RUSF1: variants seen among roughly 807,000 people sequenced by gnomAD.
The protein encoded by RUSF1 is RUS1 family protein C16orf58.
In RUSF1, 58 loss-of-function variants were observed where a neutral mutation model predicts 63.0. The ratio of observed to expected loss-of-function variants is 0.92; its 90% CI spans 0.75 to 1.15. The LOEUF (loss-of-function observed/expected upper bound fraction) is 1.15. Among genes scored for constraint, RUSF1 ranks in the 50% most tolerant of loss-of-function variants. The probability of loss-of-function intolerance (pLI) is 0.00; values close to 1 mark genes in which losing one functional copy is unlikely to be tolerated. For missense variants in RUSF1, 652 were observed against 611.0 expected, an observed-to-expected ratio of 1.07 and a Z score of -0.71; for synonymous variants, 274 against 255.8, an observed-to-expected ratio of 1.07 and a Z score of -0.68.
chr16:31,493,189 T>G, intron 9 of RUSF1, 141 bp from the exon 10 acceptor site: 1 of 940,518 alleles, frequency 1.1e-6, no homozygotes, highest in Non-Finnish European at 1.7e-6. Flanking sequence ...CCTCAGCCAT[T>G]ACCCATACAC....
chr16:31,508,131 G>A lies in RUSF1; in HGVS notation c.243C>T (p.Gly81=). ...SGLQAVFLPQ[G]FPDSVSPDYL... ...AGTCCGGGCTGACGCTATCAGGGAAGCCCTGAGGCAGGAACACGGCCTGGA... is the reference window on the plus strand; with the variant it reads ...AGTCCGGGCTGACGCTATCAGGGAAACCCTGAGGCAGGAACACGGCCTGGA... Residue 81 remains glycine (G), a synonymous_variant, in exon 1 of 13, where the codon GGC becomes GGT. Coordinates refer to ENST00000327237, the MANE Select transcript of RUSF1 (RefSeq NM_022744.4). 4 of 1,601,012 alleles carry A rather than the reference G, an allele frequency of 2.5e-6. No individual in the cohort carries two copies. The highest frequency in any genetic ancestry group is 3.4e-6 in the Non-Finnish European group (4 of 1,174,438).
At chr16:31,504,032 T>A (rs1007745660) in intron 2 of RUSF1, among the ~76,000 whole-genome samples, 5 of 152,048 alleles carry the variant, frequency 3.3e-5, no homozygotes, top group African/African-American at 7.2e-5. Flanking sequence ...TCATCCAGGC[T>A]GGACTACAGG....
At chr16:31,498,789 T>C (rs1280174641) in intron 5 of RUSF1, among the ~76,000 whole-genome samples, 2 of 152,208 alleles carry the variant, frequency 1.3e-5, no homozygotes, top group African/African-American at 4.8e-5. Flanking sequence ...AAACTCCATC[T>C]TCAGGACCCA....
At position 31,508,257 on chromosome 16, in the gene RUSF1, C is replaced by A; in HGVS notation, c.117G>T (p.Trp39Cys). ...AGGCCCTGGAGAGCCCCCACCAGCGCCAGCCCCCGACCTCCCACTGCAGGC... is the reference window on the plus strand; with the variant it reads ...AGGCCCTGGAGAGCCCCCACCAGCGACAGCCCCCGACCTCCCACTGCAGGC... ...DGSLQWEVGG[W>C]RWWGLSRAFT... The change falls in exon 1 of 13, where the codon TGG becomes TGT. Residue 39 changes from tryptophan to cysteine, a missense_variant. Transcript: ENST00000327237. 4 of 1,565,186 alleles carry A rather than the reference C, an allele frequency of 2.6e-6. No homozygotes were observed. Among genetic ancestry groups the A allele is most frequent in the Non-Finnish European group, 3.5e-6 (4 of 1,155,242 alleles).
At chr16:31,502,460 C>G (rs1488572916) in intron 2 of RUSF1, among the ~76,000 whole-genome samples, 1 of 152,182 alleles carries the variant, frequency 6.6e-6, no homozygotes, top group Non-Finnish European at 1.5e-5. Context: ...GATCATTCCC[C>G]TTCACTAAGG....
At chr16:31,504,338 G>T (rs1049754700) in intron 2 of RUSF1, among the ~76,000 whole-genome samples, 4 of 151,996 alleles carry the variant, frequency 2.6e-5, no homozygotes, top group African/African-American at 9.7e-5. Context: ...GCACTATCTC[G>T]GTTCAGTGCA....
intron 6 of RUSF1, 79 bp downstream of exon 6, chr16:31,496,769 TG>T: frequency 8.1e-7 from 1 of 1,233,644 alleles, no homozygotes; most frequent in Non-Finnish European, 1.1e-6. Context: ...TGTGTGTTCC[TG>T]GGCCCTCCAG....
chr16:31,489,765 C>CAGG lies in RUSF1; in HGVS notation c.*1067_*1069dup. 2.2e-6 allele frequency: 1 copy of CAGG among 447,398 alleles called. No homozygotes were observed. Among genetic ancestry groups the CAGG allele is most frequent in the Non-Finnish European group, 4.2e-6 (1 of 240,708 alleles). 27.7% of individuals were successfully genotyped at this position (447,398 alleles called of 1,614,324 possible). Reference sequence around the variant, plus strand: ...AAGGATGGCCGGGTTTCTGCAGCAGCAGGAGGAAAGGGTGGGAGCACACAG... The same window carrying CAGG: ...AAGGATGGCCGGGTTTCTGCAGCAGCAGGAGGAGGAAAGGGTGGGAGCACACAG... On this transcript the variant is annotated 3_prime_UTR_variant, in exon 13 of 13. Coordinates refer to ENST00000327237, the MANE Select transcript of RUSF1 (RefSeq NM_022744.4).
chr16:31,498,699 G>A (rs748637095), intron 5 of RUSF1, among the ~76,000 whole-genome samples: 4 of 152,062 alleles, frequency 2.6e-5, no homozygotes, highest in Admixed American at 6.6e-5. Flanking sequence ...CTCACTGTGC[G>A]GTCTGTGCTC....
At chr16:31,495,274 A>G (rs1398996832) in intron 6 of RUSF1, among the ~76,000 whole-genome samples, 1 of 151,970 alleles carries the variant, frequency 6.6e-6, no homozygotes, top group African/African-American at 2.4e-5. Context: ...AGGACCCGAG[A>G]CTGGAGAGCT....
intron 2 of RUSF1, among the ~76,000 whole-genome samples, chr16:31,505,027 T>C (rs957762633): frequency 3.9e-5 from 6 of 152,210 alleles, no homozygotes; most frequent in African/African-American, 1.4e-4. Flanking sequence ...GCCTGGATAC[T>C]GTCCAAGGCT....
chr16:31,506,120 G>A (rs1273012675), intron 2 of RUSF1, among the ~76,000 whole-genome samples: 1 of 152,158 alleles, frequency 6.6e-6, no homozygotes, highest in African/African-American at 2.4e-5. Flanking sequence ...AGGAACGATG[G>A]GGACGCTAAC....
At chr16:31,494,253 G>A (rs1471100670) in intron 6 of RUSF1, among the ~76,000 whole-genome samples, 1 of 152,112 alleles carries the variant, frequency 6.6e-6, no homozygotes, top group African/African-American at 2.4e-5. Flanking sequence ...GGGCATAGTG[G>A]CTCGCGCCTG....
chr16:31,495,006 CCCA>C (rs1448936499), intron 6 of RUSF1, among the ~76,000 whole-genome samples: 1 of 152,170 alleles, frequency 6.6e-6, no homozygotes, highest in African/African-American at 2.4e-5. Flanking sequence ...CTGCTCCCCT[CCCA>C]CCAAGCTCCT....
chr16:31,497,929 G>A (rs1483659863), intron 5 of RUSF1, among the ~76,000 whole-genome samples: 1 of 152,230 alleles, frequency 6.6e-6, no homozygotes, highest in Non-Finnish European at 1.5e-5. Flanking sequence ...GGATCACTGG[G>A]CTGCTCTGAG....
rs776326880 is a variant in RUSF1 at position 31,499,487 on chromosome 16, C to T, written c.494+6G>A. On this transcript the variant is annotated splice_donor_region_variant and intron_variant, in intron 4 of 12. Coordinates refer to ENST00000327237, the MANE Select transcript of RUSF1 (RefSeq NM_022744.4). ...ACTCCCCTCCCCCGTCCCCGCCCCT[C>T]CTCACCTCCACTGCTTGGCATTGCA... 1 of 1,608,738 alleles carries T rather than the reference C, an allele frequency of 6.2e-7. No individual in the cohort carries two copies. Among genetic ancestry groups the T allele is most frequent in the Admixed American group, 1.7e-5 (1 of 59,856 alleles).
At chr16:31,497,782 G>C (rs1039349270) in intron 5 of RUSF1, among the ~76,000 whole-genome samples, 7 of 152,246 alleles carry the variant, frequency 4.6e-5, no homozygotes, top group Non-Finnish European at 1.0e-4. Flanking sequence ...CTGTTCAAAG[G>C]CCAGAGGAAC....
At chr16:31,494,927 G>A (rs1328147969) in intron 6 of RUSF1, among the ~76,000 whole-genome samples, 1 of 152,124 alleles carries the variant, frequency 6.6e-6, no homozygotes, top group Admixed American at 6.5e-5. Context: ...CCCCACCTCA[G>A]CTTCCCAAAG....
chr16:31,503,675 A>AT (rs1238156308), intron 2 of RUSF1, among the ~76,000 whole-genome samples: 1 of 152,050 alleles, frequency 6.6e-6, no homozygotes, highest in Non-Finnish European at 1.5e-5. Flanking sequence ...TTATTTATTT[A>AT]TTTTTTTAGA....
Sources: gnomAD v4.1 joint callset for allele counts (sites outside exome capture counted in the v4.1 genomes callset) on GRCh38, gnomAD v4.1.1 for gene constraint, MANE v1.5 for transcripts, NCBI Gene and HGNC (gene_info 2026-07-23, HGNC 2026-07-21) for gene names.